The following NAALADL2 variants were observed in gnomAD, a reference collection of about 807,000 sequenced individuals.
NAALADL2 encodes N-acetylated alpha-linked acidic dipeptidase like 2.
A neutral mutation model predicts 87.2 loss-of-function variants in NAALADL2; 76 were observed. The observed-to-expected ratio is 0.87, with a 90% CI of 0.72 to 1.05. NAALADL2 has a LOEUF of 1.05. NAALADL2 is among the 50% of genes least tolerant of loss of function. The pLI is 0.00. For missense variants in NAALADL2, 1,089 were observed against 945.8 expected (o/e 1.15, Z -1.99); for synonymous variants, 354 against 331.0 (o/e 1.07, Z -0.75).
At chr3:175,467,289 C>T (rs16825751) in intron 8 of NAALADL2, 105 bp downstream of exon 8, 2 of 850,930 alleles carry the variant, frequency 2.4e-6, no homozygotes, top group Non-Finnish European at 3.7e-6. Context: ...CTTCTCAACA[C>T]AAGTGTCATA....
intron 2 of NAALADL2, among the ~76,000 whole-genome samples, chr3:175,203,661 G>A (rs1280904566): frequency 6.6e-6 from 1 of 152,072 alleles, no homozygotes; most frequent in Non-Finnish European, 1.5e-5. Context: ...TGTCCACCAT[G>A]ATAATCTCTC....
intron 1 of NAALADL2, among the ~76,000 whole-genome samples, chr3:175,082,790 T>C (rs1718139579): frequency 6.6e-6 from 1 of 152,224 alleles, no homozygotes; most frequent in African/African-American, 2.4e-5. Flanking sequence ...TAGCTTTCTT[T>C]TACATAGGCT....
chr3:175,258,117 G>A (rs1422181172), intron 4 of NAALADL2, among the ~76,000 whole-genome samples: 2 of 151,998 alleles, frequency 1.3e-5, no homozygotes, highest in African/African-American at 4.8e-5. Context: ...GACCATCTTG[G>A]CCAACATGGT....
At position 175,370,067 on chromosome 3, in the gene NAALADL2, G is replaced by T. The variant is rs151115821; in HGVS notation, c.1090+45742G>T. 4.6e-5 allele frequency among the ~76,000 whole-genome samples: 7 copies of T among 152,178 alleles called. No individual in the cohort carries two copies. The East Asian group carries it at 1.4e-3, about 29-fold the overall frequency. The stretch of plus-strand genomic sequence containing the variant: ...TGAGAGCTGCTTGTCTGATCATGTT[G>T]CCACTGGACAAAGTAAGCCTTACTA... On this transcript the variant is annotated intron_variant, in intron 5 of 13. Transcript: ENST00000454872.
At chr3:175,791,258 C>G (rs1177573818) in intron 13 of NAALADL2, among the ~76,000 whole-genome samples, 1 of 152,120 alleles carries the variant, frequency 6.6e-6, no homozygotes, top group Non-Finnish European at 1.5e-5. Flanking sequence ...GGATATTGCT[C>G]TTTTAAAATT....
At chr3:174,526,082 C>G (rs1720719222) in intron 1 of NAALADL2, among the ~76,000 whole-genome samples, 1 of 152,222 alleles carries the variant, frequency 6.6e-6, no homozygotes, top group Non-Finnish European at 1.5e-5. Flanking sequence ...TACTGACTTA[C>G]AGCATTTGTT....
intron 2 of NAALADL2, among the ~76,000 whole-genome samples, chr3:174,563,961 A>G (rs1029856338): frequency 6.6e-6 from 1 of 152,104 alleles, no homozygotes; most frequent in Admixed American, 6.6e-5. Flanking sequence ...TGGAATTCCA[A>G]AGAAATAAGC....
At chr3:175,556,354 T>G (rs1048088199) in intron 9 of NAALADL2, among the ~76,000 whole-genome samples, 2 of 152,202 alleles carry the variant, frequency 1.3e-5, no homozygotes, top group African/African-American at 4.8e-5. Context: ...TACCTCAGTT[T>G]CCTCATCTGT....
At chr3:175,132,914 C>G (rs34298311) in intron 2 of NAALADL2, among the ~76,000 whole-genome samples, 1 of 151,216 alleles carries the variant, frequency 6.6e-6, no homozygotes, top group East Asian at 2.0e-4. Flanking sequence ...CGGAGGGACT[C>G]CTCACTTCTC....
At chr3:175,268,636 C>T (rs1752334903) in intron 4 of NAALADL2, among the ~76,000 whole-genome samples, 1 of 152,062 alleles carries the variant, frequency 6.6e-6, no homozygotes, top group African/African-American at 2.4e-5. Flanking sequence ...ACGCATTGCA[C>T]ACCTGACAAA....
intron 2 of NAALADL2, among the ~76,000 whole-genome samples, chr3:175,184,020 G>A (rs34443802): frequency 3.7e-4 from 56 of 151,948 alleles, no homozygotes; most frequent in African/African-American, 1.2e-3. Flanking sequence ...TTCACACTAC[G>A]TTGCCATCAT....
intron 5 of NAALADL2, among the ~76,000 whole-genome samples, chr3:175,435,363 A>G (rs73033672): frequency 0.049 from 7,519 of 152,072 alleles, 448 homozygotes; most frequent in East Asian, 0.14. Flanking sequence ...GTTTGAAAAT[A>G]TATTCTCATA....
At chr3:174,751,765 A>G (rs1021228627) in intron 3 of NAALADL2, among the ~76,000 whole-genome samples, 1 of 151,874 alleles carries the variant, frequency 6.6e-6, no homozygotes, top group African/African-American at 2.4e-5. Flanking sequence ...AATAACTTTC[A>G]TGTACGCTTA....
At chr3:175,287,931 A>G (rs549905437) in intron 4 of NAALADL2, among the ~76,000 whole-genome samples, 2 of 152,108 alleles carry the variant, frequency 1.3e-5, no homozygotes, top group African/African-American at 2.4e-5. Context: ...ACCGATATCT[A>G]TTGATATTAT....
chr3:175,660,391 A>G (rs930347202), intron 11 of NAALADL2, among the ~76,000 whole-genome samples: 4 of 152,160 alleles, frequency 2.6e-5, no homozygotes, highest in Admixed American at 6.6e-5. Flanking sequence ...GATATGTCAC[A>G]ATAGTACATA....
chr3:174,531,149 C>T (rs866110959), intron 1 of NAALADL2, among the ~76,000 whole-genome samples: 17 of 151,882 alleles, frequency 1.1e-4, no homozygotes, highest in Non-Finnish European at 2.2e-4. Context: ...TTTATTTGGC[C>T]CCGTGTTTCT....
At chr3:174,903,603 A>C (rs1264065765) in intron 1 of NAALADL2, among the ~76,000 whole-genome samples, 1 of 151,986 alleles carries the variant, frequency 6.6e-6, no homozygotes, top group Non-Finnish European at 1.5e-5. Context: ...TAAGTTACAT[A>C]ATTACAATAT....
intron 3 of NAALADL2, among the ~76,000 whole-genome samples, chr3:174,827,383 T>G (rs1164585370): frequency 1.3e-5 from 2 of 152,200 alleles, no homozygotes; most frequent in African/African-American, 4.8e-5. Context: ...CCTGAAAGCA[T>G]GGAGGGGAGA....
chr3:174,658,441 T>C (rs572401301), intron 2 of NAALADL2, among the ~76,000 whole-genome samples: 5 of 152,302 alleles, frequency 3.3e-5, no homozygotes, highest in Admixed American at 6.5e-5. Context: ...CTATTAAGGT[T>C]TTTGGCTTAT....
Sources: allele counts gnomAD v4.1 joint callset (sites outside exome capture counted in the v4.1 genomes callset), GRCh38; gene constraint gnomAD v4.1.1; transcripts MANE v1.5; gene names NCBI Gene and HGNC (gene_info 2026-07-23, HGNC 2026-07-21).